The following ROBO2 variants were observed in gnomAD, a reference collection of about 807,000 sequenced individuals.
ROBO2 encodes roundabout homolog 2.
Under a neutral mutation model 160.8 loss-of-function variants are expected in ROBO2, and 53 were observed. The ratio of observed to expected loss-of-function variants is 0.33; its 90% CI spans 0.26 to 0.41. The LOEUF (loss-of-function observed/expected upper bound fraction) is 0.41, where lower values mean the gene tolerates loss of function less well. ROBO2 is among the 10% of genes least tolerant of loss of function. The probability of loss-of-function intolerance (pLI) is 1.00; values close to 1 mark genes in which losing one functional copy is unlikely to be tolerated. For synonymous variants in ROBO2, 664 were observed against 611.7 expected (o/e 1.09, Z -1.26); for missense variants, 1,577 against 1,722.4 (o/e 0.92, Z 1.49).
intron 2 of ROBO2, among the ~76,000 whole-genome samples, chr3:77,320,419 C>T (rs1456579522): frequency 6.6e-6 from 1 of 152,094 alleles, no homozygotes; most frequent in African/African-American, 2.4e-5. Flanking sequence ...AATAAGATTG[C>T]ACTTTGGCGC....
intron 2 of ROBO2, among the ~76,000 whole-genome samples, chr3:76,875,840 G>T (rs144068633): frequency 1.1e-4 from 17 of 152,072 alleles, no homozygotes; most frequent in African/African-American, 4.1e-4. Flanking sequence ...TTTTAGTAGA[G>T]ATGGGGTTTC....
intron 1 of ROBO2, among the ~76,000 whole-genome samples, chr3:75,933,789 A>T (rs1426755884): frequency 6.6e-6 from 1 of 152,238 alleles, no homozygotes; most frequent in Non-Finnish European, 1.5e-5. Flanking sequence ...TGCTGGCCAC[A>T]GATAGAAGCC....
At chr3:77,577,525 A>G in exon 15 of ROBO2, 2 of 1,613,316 alleles carry the variant, frequency 1.2e-6, no homozygotes, top group Non-Finnish European at 1.7e-6. Context: ...CACTGTACTG[A>G]CAGTTGGAAG....
chr3:77,363,006 T>C lies in ROBO2; in HGVS notation c.389-114408T>C, dbSNP rs141982544. On this transcript the variant is annotated intron_variant, in intron 2 of 25. Transcript: ENST00000461745. The stretch of plus-strand genomic sequence containing the variant: ...GCAGGAGCTACAATTCAAGATGAGA[T>C]TTGGGTGGGGACACAGTCAAACCAT... Among the ~76,000 whole-genome samples the C allele has an allele frequency of 3.6e-3, 546 of 152,104 alleles. 1 individual carries two copies. The highest frequency in any genetic ancestry group is 0.012 in the African/African-American group (503 of 41,490).
chr3:75,927,973 TCTC>T (rs1576172031), intron 1 of ROBO2, among the ~76,000 whole-genome samples: 1 of 79,860 alleles, frequency 1.3e-5, no homozygotes, highest in East Asian at 2.7e-4. Context: ...AATGATTTTC[TCTC>T]TTTTTTTTTT....
intron 2 of ROBO2, among the ~76,000 whole-genome samples, chr3:77,429,993 G>T (rs1294408828): frequency 2.0e-5 from 3 of 152,138 alleles, no homozygotes; most frequent in African/African-American, 7.2e-5. Context: ...AGGCTTCTGT[G>T]CAATGGACAG....
At chr3:77,154,986 A>G (rs1189539024) in intron 2 of ROBO2, among the ~76,000 whole-genome samples, 1 of 151,976 alleles carries the variant, frequency 6.6e-6, no homozygotes, top group Non-Finnish European at 1.5e-5. Flanking sequence ...TACTCAGTTA[A>G]CAAACCTGCA....
chr3:77,137,831 T>C (rs960301831), intron 2 of ROBO2, among the ~76,000 whole-genome samples: 1 of 152,232 alleles, frequency 6.6e-6, no homozygotes, highest in Non-Finnish European at 1.5e-5. Context: ...ACTTTATGCA[T>C]TGAAATACAG....
At chr3:76,978,123 G>A (rs1307737536) in intron 2 of ROBO2, among the ~76,000 whole-genome samples, 7 of 152,080 alleles carry the variant, frequency 4.6e-5, no homozygotes, top group African/African-American at 1.7e-4. Context: ...TTTAAACTAT[G>A]TTAAAAATTA....
At chr3:77,265,923 C>G (rs1200445297) in intron 2 of ROBO2, among the ~76,000 whole-genome samples, 1 of 152,120 alleles carries the variant, frequency 6.6e-6, no homozygotes, top group African/African-American at 2.4e-5. Context: ...CCAAGTTTGC[C>G]TGTTTAATAC....
intron 2 of ROBO2, among the ~76,000 whole-genome samples, chr3:76,581,084 G>A (rs2085673070): frequency 2.6e-5 from 4 of 152,174 alleles, no homozygotes; most frequent in Admixed American, 2.6e-4. Flanking sequence ...ACTTGACAAT[G>A]TAGTATTTGT....
intron 2 of ROBO2, among the ~76,000 whole-genome samples, chr3:77,000,646 C>T (rs1322017956): frequency 1.3e-5 from 2 of 152,130 alleles, no homozygotes; most frequent in Non-Finnish European, 2.9e-5. Context: ...TAGTGTCTTA[C>T]ATGTCTTTGT....
chr3:76,239,498 G>A (rs1405068210), intron 2 of ROBO2, among the ~76,000 whole-genome samples: 1 of 151,930 alleles, frequency 6.6e-6, no homozygotes, highest in Non-Finnish European at 1.5e-5. Flanking sequence ...AGCAACTATT[G>A]GACAGAACAG....
At chr3:77,586,571 T>C (rs1459918624) in intron 16 of ROBO2, among the ~76,000 whole-genome samples, 1 of 152,036 alleles carries the variant, frequency 6.6e-6, no homozygotes, top group African/African-American at 2.4e-5. Context: ...TTAGTCCAAC[T>C]GACAACATTG....
intron 2 of ROBO2, among the ~76,000 whole-genome samples, chr3:77,373,867 CAAAAAAA>C (rs35983454): frequency 8.9e-6 from 1 of 112,402 alleles, no homozygotes; most frequent in African/African-American, 3.7e-5. Flanking sequence ...CCAAAGCAGG[CAAAAAAA>C]AAAAAAAAAA....
chr3:77,615,696 C>G (rs1380664563), intron 21 of ROBO2, among the ~76,000 whole-genome samples: 1 of 152,104 alleles, frequency 6.6e-6, no homozygotes, highest in Non-Finnish European at 1.5e-5. Flanking sequence ...AATAATATTC[C>G]ATTGCATGGA....
At chr3:76,908,348 T>A (rs1229025903) in intron 2 of ROBO2, among the ~76,000 whole-genome samples, 1 of 152,228 alleles carries the variant, frequency 6.6e-6, no homozygotes, top group Non-Finnish European at 1.5e-5. Context: ...ATTTTGGTAC[T>A]GTTCCAACTT....
Position 76,853,938 on chromosome 3 carries a change from C to G in ROBO2, c.110-244076C>G, listed in dbSNP as rs534307666. 2.6e-5 allele frequency among the ~76,000 whole-genome samples: 4 copies of G among 151,960 alleles called. No individual in the cohort carries two copies. In the South Asian group the frequency reaches 8.3e-4, roughly 32 times the overall value. ...CTGTATATTCACCCAAGGCCCCTAA[C>G]AGAGGAAATCATTGCTTTGAGTCTC... is the stretch of plus-strand genomic sequence containing the variant. On this transcript the variant is annotated intron_variant, in intron 2 of 26. Transcript: ENST00000487694.
intron 2 of ROBO2, among the ~76,000 whole-genome samples, chr3:76,783,676 G>A (rs902713689): frequency 6.6e-6 from 1 of 150,664 alleles, no homozygotes; most frequent in Non-Finnish European, 1.5e-5. Flanking sequence ...TTTGGACAAT[G>A]TTATTAGAAT....
Sources: gnomAD v4.1 joint callset for allele counts (sites outside exome capture counted in the v4.1 genomes callset) on GRCh38, gnomAD v4.1.1 for gene constraint, MANE v1.5 for transcripts, NCBI Gene and HGNC (gene_info 2026-07-23, HGNC 2026-07-21) for gene names.